Variants in CCDC6 observed in about 807,000 individuals in gnomAD.
CCDC6 encodes coiled-coil domain-containing protein 6.
In CCDC6, 20 loss-of-function variants were observed where a neutral mutation model predicts 56.6. The observed-to-expected ratio is 0.35, with a 90% CI of 0.25 to 0.51. The LOEUF (loss-of-function observed/expected upper bound fraction) is 0.51, where lower values mean the gene tolerates loss of function less well. Among genes scored for constraint, CCDC6 ranks in the 20% least tolerant of loss-of-function variants. The pLI is 0.95. For synonymous variants in CCDC6, 241 were observed against 234.4 expected, an observed-to-expected ratio of 1.03 and a Z score of -0.26; for missense variants, 367 against 601.1, an observed-to-expected ratio of 0.61 and a Z score of 4.07.
chr10:59,903,816 T>G (rs1334584530), intron 1 of CCDC6, among the ~76,000 whole-genome samples: 2 of 152,202 alleles, frequency 1.3e-5, no homozygotes, highest in Non-Finnish European at 2.9e-5. Context: ...ACTACTTAAG[T>G]GTTGTTCAAT....
chr10:59,815,155 TA>T (rs1245992535), intron 3 of CCDC6, among the ~76,000 whole-genome samples: 2 of 152,162 alleles, frequency 1.3e-5, no homozygotes, highest in Non-Finnish European at 2.9e-5. Flanking sequence ...AAGGTTATAT[TA>T]CTATTCATAT....
At position 59,792,812 on chromosome 10, in the gene CCDC6, T is replaced by G; in HGVS notation, c.*105A>C. 8.8e-7 allele frequency: 1 copy of G among 1,136,696 alleles called. No individual in the cohort carries two copies. Among genetic ancestry groups the G allele is most frequent in the South Asian group, 1.2e-5 (1 of 81,390 alleles). The allele number at this position is 1,136,696 out of a possible 1,614,324, so 70.4% of individuals were successfully genotyped here. The stretch of plus-strand genomic sequence containing the variant: ...GATAGTGAAGCCTAGATAACCTCAG[T>G]GCAAATAAGTCATATCCAAATATGC... On this transcript the variant is annotated 3_prime_UTR_variant, in exon 9 of 9. Transcript: ENST00000263102.
chr10:59,818,889 G>C (rs557766338), intron 3 of CCDC6, among the ~76,000 whole-genome samples: 31 of 152,324 alleles, frequency 2.0e-4, no homozygotes, highest in African/African-American at 7.2e-4. Flanking sequence ...GCAAGCCGCT[G>C]TAATTGTTAC....
intron 1 of CCDC6, among the ~76,000 whole-genome samples, chr10:59,872,001 G>A (rs962426964): frequency 6.6e-6 from 1 of 152,116 alleles, no homozygotes; most frequent in Middle Eastern, 3.2e-3. Flanking sequence ...AAGAAAATAA[G>A]GAGCCAATTA....
At chr10:59,879,535 T>C (rs2071314668) in intron 1 of CCDC6, among the ~76,000 whole-genome samples, 4 of 152,286 alleles carry the variant, frequency 2.6e-5, no homozygotes, top group African/African-American at 9.6e-5. Context: ...TCTGAGACGA[T>C]GACAAAGTGA....
At chr10:59,891,344 G>A (rs1039798577) in intron 1 of CCDC6, among the ~76,000 whole-genome samples, 1 of 152,120 alleles carries the variant, frequency 6.6e-6, no homozygotes, top group Non-Finnish European at 1.5e-5. Flanking sequence ...AATTCACACA[G>A]CCTAATAGAG....
intron 1 of CCDC6, among the ~76,000 whole-genome samples, chr10:59,882,093 CGGGGGGAGAAGGAAAGGAAA>C (rs1564755865): frequency 1.4e-4 from 5 of 35,064 alleles, no homozygotes; most frequent in African/African-American, 5.3e-4. Context: ...AAAGGAAAGC[CGGGGGGAGAAGGAAAGGAAA>C]GCCGGGGGGA....
intron 7 of CCDC6, among the ~76,000 whole-genome samples, chr10:59,798,577 G>A (rs1180500206): frequency 6.6e-6 from 1 of 151,998 alleles, no homozygotes; most frequent in South Asian, 2.1e-4. Context: ...GATATTTACT[G>A]GAATCACAAG....
In CCDC6 at chr10:59,789,438, A is replaced by T. The variant is rs2070448813; in HGVS notation, c.*3479T>A. 4.3e-6 allele frequency: 1 copy of T among 231,596 alleles called. No individual in the cohort carries two copies. The highest frequency in any genetic ancestry group is 5.7e-5 in the Admixed American group (1 of 17,696). The allele number at this position is 231,596 out of a possible 1,614,324, so 14.3% of individuals were successfully genotyped here. On this transcript the variant is annotated 3_prime_UTR_variant, in exon 9 of 9. Transcript: ENST00000263102. ...GCTGTGTGTATGTTTTAATCAAAAA[A>T]TTAAAGAAGAAAAAAAAACCCTAAA...
chr10:59,792,912 A>C lies in CCDC6; in HGVS notation c.*5T>G. 1 of 1,610,436 alleles carries C rather than the reference A, an allele frequency of 6.2e-7. No homozygotes were observed. The highest frequency in any genetic ancestry group is 8.5e-7 in the Non-Finnish European group (1 of 1,177,792). The stretch of plus-strand genomic sequence containing the variant: ...CCAACTTGAAATTCAGACTAAGCTC[A>C]TGCATTAAGGCTGGGAGGAGGGGTG... On this transcript the variant is annotated 3_prime_UTR_variant, in exon 9 of 9. Coordinates refer to ENST00000263102, the MANE Select transcript of CCDC6 (RefSeq NM_005436.5).
chr10:59,814,862 CAT>C (rs1479175808), intron 3 of CCDC6, 107 bp from the exon 4 acceptor site: 7 of 694,704 alleles, frequency 1.0e-5, no homozygotes, highest in South Asian at 1.7e-5. Flanking sequence ...ATACTGCAAA[CAT>C]GTGGCCAATT....
intron 2 of CCDC6, among the ~76,000 whole-genome samples, chr10:59,840,122 C>T (rs2070923882): frequency 6.6e-6 from 1 of 152,106 alleles, no homozygotes; most frequent in Admixed American, 6.6e-5. Context: ...CCATGCCTGG[C>T]CATTTCTAGT....
chr10:59,826,482 G>A (rs1296385754), intron 3 of CCDC6, among the ~76,000 whole-genome samples: 1 of 152,098 alleles, frequency 6.6e-6, no homozygotes, highest in East Asian at 1.9e-4. Flanking sequence ...GTGCTATGGT[G>A]GGAGCACCAC....
At chr10:59,842,750 A>ATT (rs3043541) in intron 2 of CCDC6, among the ~76,000 whole-genome samples, 50 of 115,526 alleles carry the variant, frequency 4.3e-4, no homozygotes, top group South Asian at 1.1e-3. Context: ...ATGGAAGACA[A>ATT]TTTTTTTTTT....
intron 2 of CCDC6, among the ~76,000 whole-genome samples, chr10:59,846,979 C>T (rs2070997350): frequency 6.6e-6 from 1 of 152,216 alleles, no homozygotes; most frequent in South Asian, 2.1e-4. Context: ...TGATCAATCT[C>T]AGTGTCTGAG....
At chr10:59,806,893 A>G (rs1441418079) in intron 6 of CCDC6, 29 bp downstream of exon 6, 1 of 1,592,886 alleles carries the variant, frequency 6.3e-7, no homozygotes, top group Non-Finnish European at 8.5e-7. Flanking sequence ...TTTTTAAACA[A>G]AAACAAGGCT....
intron 2 of CCDC6, among the ~76,000 whole-genome samples, chr10:59,838,274 C>T (rs1352985029): frequency 6.6e-6 from 1 of 151,976 alleles, no homozygotes; most frequent in Non-Finnish European, 1.5e-5. Flanking sequence ...TGCTCATGGC[C>T]CCAGTCTGGT....
chr10:59,841,215 A>T (rs529312811), intron 2 of CCDC6, among the ~76,000 whole-genome samples: 1 of 152,288 alleles, frequency 6.6e-6, no homozygotes, highest in East Asian at 1.9e-4. Context: ...TCTTACTTCA[A>T]GGCCTTAGCA....
chr10:59,799,754 CAG>C (rs1313277383), intron 7 of CCDC6, among the ~76,000 whole-genome samples: 1 of 152,012 alleles, frequency 6.6e-6, no homozygotes, highest in East Asian at 1.9e-4. Flanking sequence ...GCAAAGACCA[CAG>C]AGTCTAGAGT....
Sources: allele counts gnomAD v4.1 joint callset (sites outside exome capture counted in the v4.1 genomes callset), GRCh38; gene constraint gnomAD v4.1.1; transcripts MANE v1.5; gene names NCBI Gene and HGNC (gene_info 2026-07-23, HGNC 2026-07-21).